The following L3MBTL4 variants were observed in gnomAD, a reference collection of about 807,000 sequenced individuals.
L3MBTL4 encodes lethal(3)malignant brain tumor-like protein 4.
In L3MBTL4, 70 loss-of-function variants were observed where a neutral mutation model predicts 84.5. That is an observed-to-expected ratio of 0.83 (90% CI 0.68 to 1.01). The LOEUF (loss-of-function observed/expected upper bound fraction) is 1.01. Among genes scored for constraint, L3MBTL4 ranks in the 50% least tolerant of loss-of-function variants. The probability of loss-of-function intolerance (pLI) is 0.00; values close to 1 mark genes in which losing one functional copy is unlikely to be tolerated. For synonymous variants in L3MBTL4, 274 were observed against 259.8 expected (o/e 1.05, Z -0.52); for missense variants, 715 against 754.8 (o/e 0.95, Z 0.62).
intron 1 of L3MBTL4, chr18:6,396,332 G>A (rs900382452): frequency 2.0e-5 from 3 of 152,410 alleles, no homozygotes; most frequent in African/African-American, 7.2e-5. Context: ...GACTGACCAT[G>A]CAGGACCTTG....
intron 14 of L3MBTL4, among the ~76,000 whole-genome samples, chr18:6,109,711 C>G (rs1469182179): frequency 2.0e-5 from 3 of 152,078 alleles, no homozygotes; most frequent in African/African-American, 7.2e-5. Context: ...CCCGTGCACC[C>G]CAGAAGATGC....
intron 3 of L3MBTL4, among the ~76,000 whole-genome samples, chr18:6,303,859 C>A (rs1006498955): frequency 4.6e-5 from 7 of 151,762 alleles, no homozygotes; most frequent in Middle Eastern, 6.8e-3. Flanking sequence ...CTATAAATAC[C>A]AAAAATTAGC....
chr18:6,319,473 T>C (rs937187802), intron 1 of L3MBTL4, among the ~76,000 whole-genome samples: 2 of 152,014 alleles, frequency 1.3e-5, no homozygotes, highest in South Asian at 2.1e-4. Context: ...CATAGAAATA[T>C]ATAAAATCAT....
At chr18:6,200,285 G>T (rs987399562) in intron 12 of L3MBTL4, among the ~76,000 whole-genome samples, 1 of 152,112 alleles carries the variant, frequency 6.6e-6, no homozygotes, top group Non-Finnish European at 1.5e-5. Context: ...CACCATGCTC[G>T]TACACTGATA....
intron 14 of L3MBTL4, among the ~76,000 whole-genome samples, chr18:6,110,288 T>TAC (rs2059149613): frequency 6.6e-6 from 1 of 152,186 alleles, no homozygotes; most frequent in South Asian, 2.1e-4. Flanking sequence ...AGTCAGTTTT[T>TAC]ACACACACAT....
intron 1 of L3MBTL4, among the ~76,000 whole-genome samples, chr18:6,353,194 G>A (rs1008127497): frequency 1.3e-5 from 2 of 151,288 alleles, no homozygotes; most frequent in Non-Finnish European, 2.9e-5. Context: ...CACACTCACA[G>A]TATGATACAA....
intron 4 of L3MBTL4, among the ~76,000 whole-genome samples, chr18:6,272,439 C>T (rs487796): frequency 0.026 from 2,636 of 102,884 alleles, 47 homozygotes; most frequent in African/African-American, 0.055. Context: ...ATATAAGGAA[C>T]ACAGAACAGT....
chr18:6,315,352 G>T (rs543535094), intron 1 of L3MBTL4, among the ~76,000 whole-genome samples: 40 of 152,302 alleles, frequency 2.6e-4, no homozygotes, highest in Middle Eastern at 6.8e-3. Context: ...GATTACAAAT[G>T]AATGCATTTT....
intron 5 of L3MBTL4, among the ~76,000 whole-genome samples, chr18:6,251,513 A>C (rs2047922640): frequency 6.6e-6 from 1 of 152,192 alleles, no homozygotes; most frequent in South Asian, 2.1e-4. Flanking sequence ...AATCATCATA[A>C]AAACCCTATG....
intron 16 of L3MBTL4, among the ~76,000 whole-genome samples, chr18:6,056,936 A>AG (rs1192738108): frequency 6.6e-6 from 1 of 152,234 alleles, no homozygotes; most frequent in Non-Finnish European, 1.5e-5. Context: ...CTGCTAGATG[A>AG]ACATATTGTT....
intron 14 of L3MBTL4, among the ~76,000 whole-genome samples, chr18:6,114,941 A>G (rs1019340782): frequency 6.6e-6 from 1 of 152,184 alleles, no homozygotes; most frequent in Non-Finnish European, 1.5e-5. Flanking sequence ...GAGGTCACAC[A>G]GCGGAGAGGA....
intron 12 of L3MBTL4, among the ~76,000 whole-genome samples, chr18:6,181,905 C>T (rs1163450490): frequency 6.6e-6 from 1 of 152,176 alleles, no homozygotes; most frequent in Non-Finnish European, 1.5e-5. Flanking sequence ...TTTATCCAGT[C>T]TACCACTGTT....
chr18:6,190,370 T>A (rs2045014897), intron 12 of L3MBTL4, among the ~76,000 whole-genome samples: 1 of 152,186 alleles, frequency 6.6e-6, no homozygotes, highest in South Asian at 2.1e-4. Flanking sequence ...TACGGGTAGA[T>A]ACATATGTAA....
At chr18:6,068,962 T>C (rs1235226405) in intron 16 of L3MBTL4, among the ~76,000 whole-genome samples, 1 of 152,156 alleles carries the variant, frequency 6.6e-6, no homozygotes, top group Non-Finnish European at 1.5e-5. Flanking sequence ...CAGACCACAG[T>C]GATTGTTAGT....
chr18:6,027,066 A>C (rs1332226957), intron 16 of L3MBTL4, among the ~76,000 whole-genome samples: 2 of 152,116 alleles, frequency 1.3e-5, no homozygotes, highest in Non-Finnish European at 2.9e-5. Flanking sequence ...CATGTGCAGA[A>C]CGTGCAGGTT....
intron 16 of L3MBTL4, among the ~76,000 whole-genome samples, chr18:6,034,046 T>C (rs1240636181): frequency 6.6e-6 from 1 of 152,212 alleles, no homozygotes; most frequent in Admixed American, 6.5e-5. Flanking sequence ...TTCATTTCAA[T>C]GTGCAGGACT....
intron 13 of L3MBTL4, among the ~76,000 whole-genome samples, chr18:6,138,548 G>T (rs909360574): frequency 6.6e-6 from 1 of 152,088 alleles, no homozygotes; most frequent in African/African-American, 2.4e-5. Context: ...AATAGGCATT[G>T]AAGAATTTCT....
intron 17 of L3MBTL4, among the ~76,000 whole-genome samples, chr18:5,968,155 GAAGT>G (rs2052445956): frequency 6.6e-6 from 1 of 152,244 alleles, no homozygotes; most frequent in African/African-American, 2.4e-5. Context: ...TAAGCTGACT[GAAGT>G]AAGTGCTCCA....
intron 13 of L3MBTL4, among the ~76,000 whole-genome samples, chr18:6,147,324 G>A (rs1337887254): frequency 6.6e-6 from 1 of 151,950 alleles, no homozygotes; most frequent in Admixed American, 6.6e-5. Flanking sequence ...TCCTCCTAAT[G>A]AAATTAGGGA....
Sources: allele counts gnomAD v4.1 joint callset (sites outside exome capture counted in the v4.1 genomes callset), GRCh38; gene constraint gnomAD v4.1.1; transcripts MANE v1.5; gene names NCBI Gene and HGNC (gene_info 2026-07-23, HGNC 2026-07-21).